The following METTL8 variants were observed in gnomAD, a reference collection of about 807,000 sequenced individuals.
The protein encoded by METTL8 is tRNA N(3)-cytidine methyltransferase METTL8, mitochondrial.
METTL8 carries 32 observed loss-of-function variants against 48.7 expected under a neutral mutation model. The observed-to-expected ratio is 0.66, with a 90% CI of 0.50 to 0.88. The LOEUF (loss-of-function observed/expected upper bound fraction) is 0.88. METTL8 is among the 40% of genes least tolerant of loss of function. The pLI is 0.00. For missense variants in METTL8, 464 were observed against 474.4 expected (o/e 0.98, Z 0.20); for synonymous variants, 136 against 157.1 (o/e 0.87, Z 1.01).
chr2:171,360,335 G>T, intron 3 of METTL8, 87 bp downstream of exon 3: 2 of 1,091,060 alleles, frequency 1.8e-6, no homozygotes, highest in Non-Finnish European at 2.7e-6. Flanking sequence ...ATCAGGAGAG[G>T]CTAAGAACTC....
rs901469146 is a variant in METTL8, at chr2:171,315,878, T to C, written c.*8294A>G. ...CCAAAGCTTCCTTAACTTGGGAATC[T>C]TGGGAACCTAGAAAGTGAGGTAACC... On this transcript the variant is annotated 3_prime_UTR_variant, in exon 10 of 10. Transcript: ENST00000375258. Among the ~76,000 whole-genome samples the C allele has an allele frequency of 6.6e-6, 1 of 152,230 alleles. No individual in the cohort carries two copies. The highest frequency in any genetic ancestry group is 1.5e-5 in the Non-Finnish European group (1 of 68,042).
At chr2:171,365,805 A>T (rs1180255477) in intron 2 of METTL8, among the ~76,000 whole-genome samples, 1 of 152,240 alleles carries the variant, frequency 6.6e-6, no homozygotes, top group Non-Finnish European at 1.5e-5. Flanking sequence ...ATATAAAGCA[A>T]CTGCTTTTAA....
At chr2:171,431,375 C>T (rs998410398) in intron 1 of METTL8, among the ~76,000 whole-genome samples, 1 of 152,214 alleles carries the variant, frequency 6.6e-6, no homozygotes, top group Non-Finnish European at 1.5e-5. Context: ...AGGGGGCAAC[C>T]AGCAACCTGC....
intron 2 of METTL8, among the ~76,000 whole-genome samples, chr2:171,385,924 A>C (rs1169177464): frequency 6.6e-6 from 1 of 152,236 alleles, no homozygotes; most frequent in Non-Finnish European, 1.5e-5. Flanking sequence ...GACTGGATCA[A>C]GGGTTCCCAA....
chr2:171,320,502 A>C lies in METTL8; in HGVS notation c.*3670T>G, dbSNP rs138819336. On this transcript the variant is annotated 3_prime_UTR_variant, in exon 10 of 10. Coordinates refer to ENST00000375258, the MANE Select transcript of METTL8 (RefSeq NM_001321154.2). ...TTTACATGTGTGAGAATGTGAGAAT[A>C]ATTTTACCTTCTGTTGTTTTTGAAA... 2.0e-5 allele frequency: 3 copies of C among 152,342 alleles called. No homozygotes were observed. The East Asian group carries it at 5.8e-4, about 29-fold the overall frequency. The allele number at this position is 152,342 out of a possible 1,614,324, so 9.4% of individuals were successfully genotyped here.
chr2:171,403,489 C>T (rs974498595), intron 1 of METTL8, among the ~76,000 whole-genome samples: 13 of 151,854 alleles, frequency 8.6e-5, no homozygotes, highest in African/African-American at 3.1e-4. Context: ...TAAGGAGACA[C>T]GATGACTACA....
chr2:171,425,356 T>G (rs972795514), intron 1 of METTL8, among the ~76,000 whole-genome samples: 2 of 152,228 alleles, frequency 1.3e-5, no homozygotes, highest in Admixed American at 1.3e-4. Context: ...CCCCTCATCC[T>G]CTGCATAGTC....
chr2:171,403,842 C>T (rs1259729323), intron 1 of METTL8, among the ~76,000 whole-genome samples: 2 of 151,130 alleles, frequency 1.3e-5, no homozygotes. Context: ...AGGCAGAGGC[C>T]AGATAGGAAT....
At chr2:171,433,277 C>T (rs1262427995) in intron 1 of METTL8, 3 of 151,322 alleles carry the variant, frequency 2.0e-5, no homozygotes, top group African/African-American at 7.3e-5. Context: ...AAACAGTAGC[C>T]CCGGTAGGAA....
chr2:171,330,788 C>G, intron 6 of METTL8, 90 bp from the exon 7 acceptor site: 1 of 1,054,828 alleles, frequency 9.5e-7, no homozygotes, highest in South Asian at 1.7e-5. Flanking sequence ...AAATTTTTAA[C>G]CTTTTCTCCC....
intron 2 of METTL8, among the ~76,000 whole-genome samples, chr2:171,380,999 T>C (rs1687470608): frequency 6.6e-6 from 1 of 152,166 alleles, no homozygotes; most frequent in African/African-American, 2.4e-5. Context: ...CTTCAAACTA[T>C]ACTACAGGGC....
At chr2:171,426,745 C>T (rs1692462105) in intron 1 of METTL8, among the ~76,000 whole-genome samples, 2 of 152,178 alleles carry the variant, frequency 1.3e-5, no homozygotes, top group Admixed American at 1.3e-4. Flanking sequence ...TCAAAAGGTT[C>T]AATAACTTCA....
chr2:171,373,883 G>C (rs955737026), intron 2 of METTL8, among the ~76,000 whole-genome samples: 11 of 152,224 alleles, frequency 7.2e-5, no homozygotes, highest in East Asian at 1.9e-4. Context: ...GTTACTGTAG[G>C]CTTGTAGTAT....
At chr2:171,368,876 A>AT (rs899373645) in intron 2 of METTL8, among the ~76,000 whole-genome samples, 13 of 151,926 alleles carry the variant, frequency 8.6e-5, no homozygotes, top group Non-Finnish European at 7.4e-5. Flanking sequence ...GTCTTAAAAA[A>AT]ATATATATAT....
chr2:171,406,885 C>T (rs987623501), intron 1 of METTL8, among the ~76,000 whole-genome samples: 3 of 149,792 alleles, frequency 2.0e-5, no homozygotes, highest in Admixed American at 6.6e-5. Context: ...TTTCAGTTAT[C>T]GAGCCAATAC....
At chr2:171,392,665 G>T (rs931687710) in intron 1 of METTL8, among the ~76,000 whole-genome samples, 2 of 152,050 alleles carry the variant, frequency 1.3e-5, no homozygotes, top group Non-Finnish European at 2.9e-5. Context: ...TCTCCGTGCT[G>T]AACTGAATAA....
intron 2 of METTL8, among the ~76,000 whole-genome samples, chr2:171,373,290 A>G (rs904043505): frequency 6.6e-6 from 1 of 152,192 alleles, no homozygotes; most frequent in Non-Finnish European, 1.5e-5. Context: ...TTCTTTTGAG[A>G]AGAGTCTGTT....
rs1684545018 is a variant in METTL8, at chr2:171,322,015, G to A, written c.*2157C>T. ...CTAACAACTGTCACCCAGGCTGGAG[G>A]GCAGTGGTGTCATCTCGGCTCACTG... On this transcript the variant is annotated 3_prime_UTR_variant, in exon 10 of 10. Transcript: ENST00000375258. 6.6e-6 allele frequency: 1 copy of A among 151,076 alleles called. No homozygotes were observed. The highest frequency in any genetic ancestry group is 2.4e-5 in the African/African-American group (1 of 41,056). The allele number at this position is 151,076 out of a possible 1,614,324, so 9.4% of individuals were successfully genotyped here. A position where few individuals can be genotyped will look rare whatever the true frequency, so the allele number is the denominator to read the frequency against.
chr2:171,411,978 T>C (rs1029767909), intron 1 of METTL8, among the ~76,000 whole-genome samples: 6 of 152,234 alleles, frequency 3.9e-5, no homozygotes, highest in Non-Finnish European at 8.8e-5. Flanking sequence ...AATAAGCATT[T>C]ACTAAAGAAA....
Sources: allele counts gnomAD v4.1 joint callset (sites outside exome capture counted in the v4.1 genomes callset), GRCh38; gene constraint gnomAD v4.1.1; transcripts MANE v1.5; gene names NCBI Gene and HGNC (gene_info 2026-07-23, HGNC 2026-07-21).